The following NHSL1 variants were observed in gnomAD, a reference collection of about 807,000 sequenced individuals.
NHSL1 encodes the protein NHS-like protein 1.
In NHSL1, 48 loss-of-function variants were observed where a neutral mutation model predicts 95.0. That is an observed-to-expected ratio of 0.51 (90% CI 0.40 to 0.64). The LOEUF (loss-of-function observed/expected upper bound fraction) is 0.64, where lower values mean the gene tolerates loss of function less well. NHSL1 is among the 30% of genes least tolerant of loss of function. The pLI is 0.00. For synonymous variants in NHSL1, 783 were observed against 833.9 expected, an observed-to-expected ratio of 0.94 and a Z score of 1.05; for missense variants, 1,971 against 2,077.7, an observed-to-expected ratio of 0.95 and a Z score of 1.00.
chr6:138,668,337 G>A (rs1005623383), intron 1 of NHSL1, among the ~76,000 whole-genome samples: 2 of 152,080 alleles, frequency 1.3e-5, no homozygotes, highest in African/African-American at 4.8e-5. Flanking sequence ...CAACTACTAG[G>A]GAGGATGAGG....
At chr6:138,467,939 G>T (rs1265370854) in intron 3 of NHSL1, among the ~76,000 whole-genome samples, 1 of 152,104 alleles carries the variant, frequency 6.6e-6, no homozygotes, top group African/African-American at 2.4e-5. Flanking sequence ...GTAGAGATGG[G>T]TTCTCAGTTT....
chr6:138,522,335 C>T (rs577754054), intron 1 of NHSL1, among the ~76,000 whole-genome samples: 18 of 152,292 alleles, frequency 1.2e-4, no homozygotes, highest in African/African-American at 2.6e-4. Flanking sequence ...TAGCAAAACC[C>T]GTATCTACAA....
Position 138,692,504 on chromosome 6 carries a change from C to G in NHSL1, c.69G>C (p.Ala23=). 1 of 197,070 alleles carries G rather than the reference C, an allele frequency of 5.1e-6. No homozygotes were observed. The highest frequency in any genetic ancestry group is 1.0e-5 in the Non-Finnish European group (1 of 98,916). The allele number at this position is 197,070 out of a possible 1,614,324, so 12.2% of individuals were successfully genotyped here. Reference sequence around the variant, plus strand: ...TTTTCACTCGGCGGTGGTCCAGGCGCGCAGCGGCGGCTTGCAGGGCGTCGA... The same window carrying G: ...TTTTCACTCGGCGGTGGTCCAGGCGGGCAGCGGCGGCTTGCAGGGCGTCGA... Residue 23 remains alanine, a synonymous_variant, in exon 1 of 4, where the codon GCG becomes GCC. Coordinates refer to the NHSL1 transcript ENST00000491526. The surrounding 1 kb of genome is among the most constrained non-coding windows in gnomAD (Gnocchi z 4.0).
chr6:138,612,026 C>A (rs1463791646), intron 1 of NHSL1, among the ~76,000 whole-genome samples: 2 of 144,740 alleles, frequency 1.4e-5, no homozygotes, highest in East Asian at 4.1e-4. Context: ...AGGAAAATTG[C>A]TTGAACCCAA....
At chr6:138,482,909 T>G (rs1227143719) in intron 2 of NHSL1, among the ~76,000 whole-genome samples, 1 of 152,172 alleles carries the variant, frequency 6.6e-6, no homozygotes, top group Non-Finnish European at 1.5e-5. Flanking sequence ...GCATCCCAAA[T>G]TAAGGTACAT....
intron 2 of NHSL1, among the ~76,000 whole-genome samples, chr6:138,480,922 G>A (rs937345083): frequency 2.0e-5 from 3 of 152,186 alleles, no homozygotes; most frequent in African/African-American, 7.2e-5. Flanking sequence ...AAGGAAAGCA[G>A]TTATTGTATC....
At position 138,432,322 on chromosome 6, in the gene NHSL1, G is replaced by C. The variant is rs771074707; in HGVS notation, c.2023C>G (p.Pro675Ala). Residue 675 changes from proline to alanine, a missense_variant, in exon 6 of 8, where the codon CCC (proline) becomes GCC (alanine). Physicochemically the swap from Pro to Ala is conservative, Grantham distance 27 (BLOSUM62 -1). Around this residue, in one of 3 missense-constraint regions of NHSL1, gnomAD observed 1,602 missense variants for 1,654.5 expected, o/e 0.97. Coordinates refer to ENST00000343505, the MANE Select transcript of NHSL1 (RefSeq NM_001144060.2). This position sits in a 1 kb window ranked among gnomAD's most constrained non-coding sequence, Gnocchi z 4.4. ...LKKAKKPPLP[P>A]SRTDSLRRIP... Reference sequence around the variant, plus strand: ...CTGCGGAGGGAGTCTGTCCGGGAGGGTGGCAGGGGAGGCTTCTTTGCTTTC... The same window carrying C: ...CTGCGGAGGGAGTCTGTCCGGGAGGCTGGCAGGGGAGGCTTCTTTGCTTTC... The C allele has an allele frequency of 6.4e-7, 1 of 1,551,752 alleles. No homozygotes were observed. Among genetic ancestry groups the C allele is most frequent in the South Asian group, 1.2e-5 (1 of 84,062 alleles).
At position 138,424,022 on chromosome 6, in the gene NHSL1, C is replaced by G; in HGVS notation, c.*59G>C. 7 of 1,305,642 alleles carry G rather than the reference C, an allele frequency of 5.4e-6. No homozygotes were observed. The highest frequency in any genetic ancestry group is 5.8e-6 in the Non-Finnish European group (6 of 1,029,852). The allele number at this position is 1,305,642 out of a possible 1,614,324, so 80.9% of individuals were successfully genotyped here. A position where few individuals can be genotyped will look rare whatever the true frequency, so the allele number is the denominator to read the frequency against. On this transcript the variant is annotated 3_prime_UTR_variant, in exon 8 of 8. Coordinates refer to ENST00000343505, the MANE Select transcript of NHSL1 (RefSeq NM_001144060.2). The surrounding 1 kb of genome is among the most constrained non-coding windows in gnomAD (Gnocchi z 5.9). The stretch of plus-strand genomic sequence containing the variant: ...CAGGGAAGGGCGCCTAGCAGGCTTC[C>G]TAGAGTGCTGCATTGCTCGTCTCCC...
At chr6:138,677,663 A>T (rs1008089274) in intron 1 of NHSL1, among the ~76,000 whole-genome samples, 1 of 152,324 alleles carries the variant, frequency 6.6e-6, no homozygotes, top group East Asian at 1.9e-4. Flanking sequence ...CCCCAAGCAG[A>T]GCCCACATGC....
At chr6:138,673,523 A>G (rs557129311) in intron 1 of NHSL1, among the ~76,000 whole-genome samples, 1 of 152,268 alleles carries the variant, frequency 6.6e-6, no homozygotes, top group East Asian at 1.9e-4. Flanking sequence ...GGGAGGCCCA[A>G]TTCCATATAA....
intron 1 of NHSL1, among the ~76,000 whole-genome samples, chr6:138,584,897 T>C (rs1023054217): frequency 6.6e-6 from 1 of 152,104 alleles, no homozygotes; most frequent in African/African-American, 2.4e-5. Context: ...ACGCAGGCAT[T>C]TCCCTGAAAC....
chr6:138,604,903 CA>C (rs1784414154), intron 1 of NHSL1, among the ~76,000 whole-genome samples: 2 of 152,242 alleles, frequency 1.3e-5, no homozygotes, highest in South Asian at 4.2e-4. Context: ...AGGATTACAG[CA>C]AGAGCCACCA....
At chr6:138,504,257 GAA>G (rs1780843046), upstream of NHSL1, among the ~76,000 whole-genome samples, 3 of 146,406 alleles carry the variant, frequency 2.0e-5, no homozygotes, top group East Asian at 1.9e-4. Context: ...GAGAGAGAGA[GAA>G]AGAGAGAGAG....
Position 138,423,815 on chromosome 6 carries a change from CAAAAAAAA to C in NHSL1, c.*258_*265del, listed in dbSNP as rs56326954. The C allele has an allele frequency of 2.6e-3, 356 of 139,064 alleles. 1 individual carries two copies. Among genetic ancestry groups the C allele is most frequent in the East Asian group, 5.7e-3 (38 of 6,720 alleles). 8.6% of individuals were successfully genotyped at this position (139,064 alleles called of 1,614,324 possible). A position where few individuals can be genotyped will look rare whatever the true frequency, so the allele number is the denominator to read the frequency against. ...GCACACATACACACCCAGCATTTAG[CAAAAAAAA>C]AAAAAAAAAAAAAAAATCTTCCCCG... On this transcript the variant is annotated 3_prime_UTR_variant, in exon 8 of 8. Coordinates refer to ENST00000343505, the MANE Select transcript of NHSL1 (RefSeq NM_001144060.2).
At chr6:138,650,199 T>C in intron 1 of NHSL1, 1 of 600,570 alleles carries the variant, frequency 1.7e-6, no homozygotes, top group South Asian at 1.5e-5. Context: ...GTTAAGACTG[T>C]GTTTTTTAGA....
At chr6:138,675,557 C>A (rs1785437755) in intron 1 of NHSL1, among the ~76,000 whole-genome samples, 1 of 151,996 alleles carries the variant, frequency 6.6e-6, no homozygotes, top group South Asian at 2.1e-4. Context: ...ATTTTTGAGA[C>A]AGAGTCTCGC....
intron 1 of NHSL1, among the ~76,000 whole-genome samples, chr6:138,511,517 G>C (rs1455576417): frequency 6.6e-6 from 1 of 151,978 alleles, no homozygotes; most frequent in Non-Finnish European, 1.5e-5. Flanking sequence ...CAACCCCTGG[G>C]CTCAAGTGAT....
chr6:138,468,070 G>A (rs995426800), intron 3 of NHSL1, among the ~76,000 whole-genome samples: 1 of 152,134 alleles, frequency 6.6e-6, no homozygotes, highest in Non-Finnish European at 1.5e-5. Context: ...CTTTGTAAAT[G>A]TGGTGCAGCC....
chr6:138,559,062 A>G (rs1480869390), intron 1 of NHSL1, among the ~76,000 whole-genome samples: 1 of 152,104 alleles, frequency 6.6e-6, no homozygotes, highest in East Asian at 1.9e-4. Context: ...AAAAAGAAAA[A>G]AAAAAAAAGA....
Sources: gnomAD v4.1 joint callset for allele counts (sites outside exome capture counted in the v4.1 genomes callset) on GRCh38, gnomAD v4.1.1 for gene constraint, gnomAD v4.1.1 regional missense constraint, Gnocchi (gnomAD v3.1) non-coding constraint, MANE v1.5 for transcripts, NCBI Gene and HGNC (gene_info 2026-07-23, HGNC 2026-07-21) for gene names.